The following CP variants were observed in gnomAD, a reference collection of about 807,000 sequenced individuals.
CP encodes caeruloplasmin.
A neutral mutation model predicts 122.4 loss-of-function variants in CP; 64 were observed. The observed-to-expected ratio is 0.52, with a 90% confidence interval of 0.43 to 0.64. The LOEUF is 0.64. CP is among the 30% of genes least tolerant of loss of function. The pLI is 0.00. For missense variants in CP, 1,167 were observed against 1,284.4 expected, an observed-to-expected ratio of 0.91 and a Z score of 1.40; for synonymous variants, 440 against 436.4, an observed-to-expected ratio of 1.01 and a Z score of -0.10.
intron 11 of CP, 144 bp from the exon 12 acceptor site, chr3:149,185,590 A>ACATAGGCG (rs1553759225): frequency 1.4e-6 from 1 of 729,384 alleles, no homozygotes; most frequent in African/African-American, 2.4e-5. Context: ...TGCTCCATCC[A>ACATAGGCG]TCCTTTTGCT....
intron 6 of CP, 73 bp downstream of exon 6, chr3:149,206,095 G>T: frequency 7.0e-7 from 1 of 1,422,226 alleles, no homozygotes; most frequent in South Asian, 1.2e-5. Context: ...TTTAATTGCT[G>T]AATTAGCCTT....
At chr3:149,213,375 A>G (rs1277790055) in intron 1 of CP, among the ~76,000 whole-genome samples, 1 of 152,248 alleles carries the variant, frequency 6.6e-6, no homozygotes, top group Non-Finnish European at 1.5e-5. Context: ...GTCCATTAAT[A>G]GTTGCTTAAA....
intron 16 of CP, 98 bp downstream of exon 16, chr3:149,178,312 GTTTAT>G (rs1053165197): frequency 4.3e-6 from 4 of 928,896 alleles, no homozygotes; most frequent in African/African-American, 1.7e-5. Flanking sequence ...GGCAGAAGTG[GTTTAT>G]TTTAAGACAA....
intron 5 of CP, chr3:149,162,906 T>G: frequency 6.4e-7 from 1 of 1,564,484 alleles, no homozygotes; most frequent in Non-Finnish European, 8.8e-7. Context: ...TACCTTAAAT[T>G]TAACTCATGC....
rs765387782 is a variant in CP, at chr3:149,186,734, T to A, written c.1865-2A>T. 1 of 1,613,678 alleles carries A rather than the reference T, an allele frequency of 6.2e-7. No individual in the cohort carries two copies. On this transcript the variant is annotated splice_acceptor_variant, in intron 10 of 18. Transcript: ENST00000264613. LOFTEE classifies it high-confidence loss of function. The stretch of plus-strand genomic sequence containing the variant: ...TCCCATACATGAATCCATTCATGGC[T>A]GTAAAAGTTGGGAAATAACATTTTG...
At chr3:149,210,450 T>C in intron 2 of CP, 71 bp from the exon 3 acceptor site, 1 of 1,288,288 alleles carries the variant, frequency 7.8e-7, no homozygotes, top group Non-Finnish European at 1.1e-6. Flanking sequence ...AGATAGTCCA[T>C]TAATTCATTC....
At chr3:149,211,855 G>C (rs1468194691) in intron 2 of CP, among the ~76,000 whole-genome samples, 1 of 152,166 alleles carries the variant, frequency 6.6e-6, no homozygotes, top group Non-Finnish European at 1.5e-5. Flanking sequence ...TATTTGGCCA[G>C]AAAGGACTGG....
rs768656840 is a variant in CP at position 149,206,219 on chromosome 3, G to A, written c.1157C>T (p.Ala386Val). The change falls in exon 6 of 19, where the codon GCT becomes GTT. Residue 386 changes from alanine (A) to valine (V), a missense_variant. Coordinates refer to ENST00000264613, the MANE Select transcript of CP (RefSeq NM_000096.4). ...AGTGAAGATGTCTATACCAGAGGGA[G>A]CATAGTTCCAGATGATTTCCTCAGC... ...IAAEEIIWNY[A>V]PSGIDIFTKE... is the part of the protein sequence containing the mutation. The A allele has an allele frequency of 4.3e-6, 7 of 1,613,912 alleles. No individual in the cohort carries two copies. Among genetic ancestry groups the A allele is most frequent in the Non-Finnish European group, 5.9e-6 (7 of 1,179,914 alleles).
chr3:149,217,486 T>A (rs1250209800), intron 1 of CP, among the ~76,000 whole-genome samples: 1 of 152,102 alleles, frequency 6.6e-6, no homozygotes, highest in Non-Finnish European at 1.5e-5. Context: ...CCAACTAACA[T>A]CTAACTAGGG....
At chr3:149,184,650 A>G (rs1191238985) in intron 12 of CP, among the ~76,000 whole-genome samples, 1 of 150,392 alleles carries the variant, frequency 6.6e-6, no homozygotes, top group Admixed American at 6.6e-5. Context: ...ATGTTTCTGA[A>G]GCTCTAATCA....
chr3:149,205,188 TA>T (rs1245771385), intron 6 of CP, among the ~76,000 whole-genome samples: 1,833 of 141,006 alleles, frequency 0.013, 28 homozygotes, highest in African/African-American at 0.043. Context: ...TGGTTATTAT[TA>T]AAAAAAAAAA....
intron 9 of CP, among the ~76,000 whole-genome samples, chr3:149,188,490 CAAAAAAAA>C (rs60815739): frequency 0.091 from 4,169 of 46,066 alleles, 81 homozygotes; most frequent in Middle Eastern, 0.21. Context: ...TTGAAGCCTC[CAAAAAAAA>C]AAAAAAAAAA....
chr3:149,208,829 A>G (rs1370562153), intron 4 of CP, among the ~76,000 whole-genome samples: 1 of 152,198 alleles, frequency 6.6e-6, no homozygotes, highest in Non-Finnish European at 1.5e-5. Flanking sequence ...GGTTTGAACT[A>G]TTTTCTTAAA....
exon 6 of CP, chr3:149,162,604 T>C (rs769873099): frequency 1.5e-5 from 20 of 1,366,822 alleles, no homozygotes; most frequent in Non-Finnish European, 2.1e-5. Flanking sequence ...GCGTGGCCCA[T>C]GTGATGCTGT....
At chr3:149,218,553 A>G (rs551487402) in intron 1 of CP, among the ~76,000 whole-genome samples, 20 of 152,304 alleles carry the variant, frequency 1.3e-4, no homozygotes, top group Non-Finnish European at 2.4e-4. Flanking sequence ...CAGTGTTTTC[A>G]GTTGCACTAA....
chr3:149,167,138 T>C (rs777564515), intron 4 of CP: 3 of 1,613,872 alleles, frequency 1.9e-6, no homozygotes, highest in South Asian at 1.1e-5. Flanking sequence ...TTCTGTGTCG[T>C]ACACGCTTGA....
chr3:149,181,973 T>TTCG, intron 14 of CP, 32 bp downstream of exon 14: 1 of 1,375,570 alleles, frequency 7.3e-7, no homozygotes, highest in Non-Finnish European at 1.0e-6. Flanking sequence ...CCTGTTAAAA[T>TTCG]GCACCACCCC....
chr3:149,189,146 A>G (rs932728546), intron 9 of CP, among the ~76,000 whole-genome samples: 1 of 152,234 alleles, frequency 6.6e-6, no homozygotes, highest in African/African-American at 2.4e-5. Context: ...TTGCCACCAC[A>G]AAGGGAAAAG....
At chr3:149,195,941 A>G (rs1279609926) in intron 9 of CP, among the ~76,000 whole-genome samples, 1 of 152,172 alleles carries the variant, frequency 6.6e-6, no homozygotes, top group Admixed American at 6.6e-5. Flanking sequence ...TTTACATAAA[A>G]TAATATTACA....
Sources: gnomAD v4.1 joint callset for allele counts (sites outside exome capture counted in the v4.1 genomes callset) on GRCh38, gnomAD v4.1.1 for gene constraint, MANE v1.5 for transcripts, NCBI Gene and HGNC (gene_info 2026-07-23, HGNC 2026-07-21) for gene names.